NEDD4L: variants seen among roughly 807,000 people sequenced by gnomAD.
NEDD4L encodes E3 ubiquitin-protein ligase NEDD4-like.
A neutral mutation model predicts 148.9 loss-of-function variants in NEDD4L; 54 were observed. The ratio of observed to expected loss-of-function variants is 0.36; its 90% CI spans 0.29 to 0.45. The LOEUF (loss-of-function observed/expected upper bound fraction) is 0.45. Ranked by LOEUF, NEDD4L falls within the 20% of genes least tolerant of loss-of-function variation. NEDD4L has a pLI of 1.00. For missense variants in NEDD4L, 856 were observed against 1,233.8 expected (o/e 0.69, Z 4.59); for synonymous variants, 433 against 440.7 (o/e 0.98, Z 0.22).
Position 58,357,581 on chromosome 18 carries a change from A to G in NEDD4L, c.1767+329A>G, listed in dbSNP as rs187773634. The G allele has an allele frequency of 8.0e-4, 387 of 485,442 alleles. 3 individuals carry two copies. The highest frequency in any genetic ancestry group is 6.8e-3 in the Admixed American group (269 of 39,390). 30.1% of individuals were successfully genotyped at this position (485,442 alleles called of 1,614,324 possible). A position where few individuals can be genotyped will look rare whatever the true frequency, so the allele number is the denominator to read the frequency against. On this transcript the variant is annotated intron_variant, in intron 19 of 30. Coordinates refer to ENST00000400345, the MANE Select transcript of NEDD4L (RefSeq NM_001144967.3). ...TTTATATGAAGCAAAACCAAGCCCT[A>G]TCTTCATAAAGTGTTATCATTTCTT...
intron 10 of NEDD4L, among the ~76,000 whole-genome samples, chr18:58,330,285 C>T (rs1015880415): frequency 5.0e-4 from 76 of 152,302 alleles, no homozygotes; most frequent in African/African-American, 1.8e-3. Context: ...CTATGCTGCT[C>T]CCACGGTGAA....
At chr18:58,282,894 A>G (rs2053363614) in intron 5 of NEDD4L, among the ~76,000 whole-genome samples, 1 of 152,168 alleles carries the variant, frequency 6.6e-6, no homozygotes, top group South Asian at 2.1e-4. Context: ...TTAACCCACA[A>G]AGGGGGATTT....
chr18:58,074,163 C>T (rs1210176535), intron 1 of NEDD4L, among the ~76,000 whole-genome samples: 2 of 152,106 alleles, frequency 1.3e-5, no homozygotes, highest in African/African-American at 4.8e-5. Context: ...AACAGGTGAG[C>T]TTAAGTTTCC....
chr18:58,251,965 T>G (rs1322976923), intron 4 of NEDD4L, 36 bp from the exon 5 acceptor site: 2 of 1,197,480 alleles, frequency 1.7e-6, no homozygotes. Context: ...AAATGATTCC[T>G]GCTCGTTTAA....
intron 1 of NEDD4L, among the ~76,000 whole-genome samples, chr18:58,077,033 G>A (rs368424364): frequency 4.6e-5 from 7 of 151,612 alleles, no homozygotes; most frequent in African/African-American, 1.5e-4. Context: ...TGTATTTTTA[G>A]TAGAGATGGG....
chr18:58,384,116 T>C (rs918345975), intron 25 of NEDD4L, among the ~76,000 whole-genome samples: 3 of 152,176 alleles, frequency 2.0e-5, no homozygotes, highest in East Asian at 1.9e-4. Flanking sequence ...CAGGCTAGGC[T>C]CCCTCCTTTC....
intron 5 of NEDD4L, among the ~76,000 whole-genome samples, chr18:58,292,204 G>A (rs572756121): frequency 1.4e-5 from 2 of 139,358 alleles, no homozygotes; most frequent in Non-Finnish European, 3.1e-5. Flanking sequence ...AAGTTCCCAC[G>A]CAAGGCCAAG....
chr18:58,125,092 G>T (rs748758686), intron 1 of NEDD4L, among the ~76,000 whole-genome samples: 3 of 152,156 alleles, frequency 2.0e-5, no homozygotes, highest in Non-Finnish European at 4.4e-5. Flanking sequence ...GAGAGATGGG[G>T]TTTCATGATG....
chr18:58,323,123 G>A, intron 7 of NEDD4L, 109 bp from the exon 8 acceptor site: 2 of 662,582 alleles, frequency 3.0e-6, no homozygotes, highest in Middle Eastern at 3.7e-4. Context: ...ATGGGTGGGT[G>A]GGGATGCCTG....
At position 58,370,459 on chromosome 18, in the gene NEDD4L, G is replaced by C. The variant is rs757213039; in HGVS notation, c.2248G>C (p.Glu750Gln). ...LGKQITLNDM[E>Q]SVDSEYYNSL... The stretch of plus-strand genomic sequence containing the variant: ...AAAGCAGATAACCCTGAATGACATG[G>C]AATCTGTGGTAAGTAAATGCACGTC... The change falls in exon 23 of 31, where the codon GAA becomes CAA. Residue 750 changes from glutamate (E) to glutamine (Q), a missense_variant. Physicochemically the swap from Glu to Gln is conservative, Grantham distance 29. Around this residue, in one of 4 missense-constraint regions of NEDD4L, gnomAD observed 286 missense variants for 531.8 expected, o/e 0.54. Coordinates refer to ENST00000400345, the MANE Select transcript of NEDD4L (RefSeq NM_001144967.3). 3 of 1,605,988 alleles carry C rather than the reference G, an allele frequency of 1.9e-6. No individual in the cohort carries two copies. The highest frequency in any genetic ancestry group is 1.7e-6 in the Non-Finnish European group (2 of 1,172,542).
At chr18:58,262,392 G>T (rs1264128026) in intron 5 of NEDD4L, among the ~76,000 whole-genome samples, 1 of 152,174 alleles carries the variant, frequency 6.6e-6, no homozygotes, top group Non-Finnish European at 1.5e-5. Flanking sequence ...ACTTCCAGAG[G>T]CTGAGGCAGG....
chr18:58,079,910 A>G (rs914516105), intron 1 of NEDD4L, among the ~76,000 whole-genome samples: 1 of 152,154 alleles, frequency 6.6e-6, no homozygotes, highest in African/African-American at 2.4e-5. Context: ...CTTTGTTTTA[A>G]TAATAATACA....
intron 13 of NEDD4L, among the ~76,000 whole-genome samples, chr18:58,336,861 A>T (rs2041845867): frequency 6.6e-6 from 1 of 152,086 alleles, no homozygotes; most frequent in Admixed American, 6.6e-5. Context: ...ACTATTACCC[A>T]CCGTGCACTT....
chr18:58,072,260 C>G (rs921713075), intron 1 of NEDD4L, among the ~76,000 whole-genome samples: 1 of 152,098 alleles, frequency 6.6e-6, no homozygotes, highest in African/African-American at 2.4e-5. Context: ...AAACTAAAGA[C>G]ATCACAAGAA....
chr18:58,250,124 C>T (rs926917432), intron 4 of NEDD4L, among the ~76,000 whole-genome samples: 7 of 151,972 alleles, frequency 4.6e-5, no homozygotes, highest in Non-Finnish European at 8.8e-5. Context: ...GTTAGTTTTT[C>T]TGAAGGTTTT....
At chr18:58,171,661 C>G (rs1389715714) in intron 2 of NEDD4L, among the ~76,000 whole-genome samples, 1 of 152,228 alleles carries the variant, frequency 6.6e-6, no homozygotes, top group Non-Finnish European at 1.5e-5. Flanking sequence ...ATATGGTGTG[C>G]TGTGGCACCT....
intron 1 of NEDD4L, among the ~76,000 whole-genome samples, chr18:58,049,871 G>C (rs1335017719): frequency 1.3e-5 from 2 of 150,632 alleles, no homozygotes; most frequent in African/African-American, 4.9e-5. Context: ...CAGCTACTTG[G>C]GAGGCTGAGG....
At chr18:58,327,734 A>G (rs547180439) in intron 9 of NEDD4L, among the ~76,000 whole-genome samples, 1 of 152,318 alleles carries the variant, frequency 6.6e-6, no homozygotes, top group East Asian at 1.9e-4. Context: ...GATAAGTACT[A>G]TATTTCAGTT....
intron 5 of NEDD4L, among the ~76,000 whole-genome samples, chr18:58,295,796 CAAAT>C (rs913668224): frequency 2.6e-4 from 40 of 151,506 alleles, no homozygotes; most frequent in Admixed American, 6.6e-4. Flanking sequence ...CCAGGGCAGA[CAAAT>C]AAAAAGGGGG....
Sources: gnomAD v4.1 joint callset for allele counts (sites outside exome capture counted in the v4.1 genomes callset) on GRCh38, gnomAD v4.1.1 for gene constraint, gnomAD v4.1.1 regional missense constraint, MANE v1.5 for transcripts, NCBI Gene and HGNC (gene_info 2026-07-23, HGNC 2026-07-21) for gene names.